The following HADH variants were observed in gnomAD, a reference collection of about 807,000 sequenced individuals.
The protein encoded by HADH is hydroxyacyl-CoA dehydrogenase.
A neutral mutation model predicts 32.2 loss-of-function variants in HADH; 24 were observed. The observed-to-expected ratio is 0.75, with a 90% CI of 0.54 to 1.05. The LOEUF (loss-of-function observed/expected upper bound fraction) is 1.05. Among genes scored for constraint, HADH ranks in the 50% least tolerant of loss-of-function variants. The pLI is 0.00. For missense variants in HADH, 350 were observed against 397.1 expected (o/e 0.88, Z 1.01); for synonymous variants, 139 against 152.5 (o/e 0.91, Z 0.65).
intron 1 of HADH, among the ~76,000 whole-genome samples, chr4:107,995,907 G>C (rs1734941104): frequency 6.6e-6 from 1 of 152,148 alleles, no homozygotes; most frequent in African/African-American, 2.4e-5. Context: ...TAGTCTACCT[G>C]CTGGTCGTCT....
At chr4:108,011,030 G>C (rs1735474301) in intron 2 of HADH, among the ~76,000 whole-genome samples, 1 of 151,964 alleles carries the variant, frequency 6.6e-6, no homozygotes, top group South Asian at 2.1e-4. Context: ...TGTAGTTTTA[G>C]TAGAGATGGG....
At chr4:108,018,688 T>A (rs1435607582) in intron 3 of HADH, among the ~76,000 whole-genome samples, 1 of 152,174 alleles carries the variant, frequency 6.6e-6, no homozygotes, top group Non-Finnish European at 1.5e-5. Context: ...GCCTGGTCAG[T>A]AAGGGATCCT....
chr4:108,021,786 CTGTTTGATT>C (rs1735894571), intron 4 of HADH, among the ~76,000 whole-genome samples: 1 of 152,126 alleles, frequency 6.6e-6, no homozygotes, highest in Admixed American at 6.5e-5. Context: ...CTCTGGGATT[CTGTTTGATT>C]TGTGGTACCC....
intron 7 of HADH, among the ~76,000 whole-genome samples, chr4:108,033,985 C>A (rs1292628277): frequency 1.3e-5 from 2 of 152,224 alleles, no homozygotes; most frequent in African/African-American, 4.8e-5. Context: ...TGAGAAGACA[C>A]TGGATAAGCA....
chr4:108,033,054 C>CA lies in HADH; in HGVS notation c.710-121dup, dbSNP rs1228802906. 27 of 768,214 alleles carry CA rather than the reference C, an allele frequency of 3.5e-5. No individual in the cohort carries two copies. The Admixed American group carries it at 4.8e-4, about 14-fold the overall frequency. 47.6% of individuals were successfully genotyped at this position (768,214 alleles called of 1,614,324 possible). ...AAATCTTACCCAAGCCAGAAAGTCTCAGTCTAGGCATTTTTTTTATTGTGC... is the reference window on the plus strand; with the variant it reads ...AAATCTTACCCAAGCCAGAAAGTCTCAAGTCTAGGCATTTTTTTTATTGTGC... On this transcript the variant is annotated intron_variant, in intron 6 of 7. Transcript: ENST00000309522.
chr4:108,001,559 G>A (rs1256568901), intron 1 of HADH, among the ~76,000 whole-genome samples: 1 of 152,258 alleles, frequency 6.6e-6, no homozygotes, highest in African/African-American at 2.4e-5. Context: ...ATAAGTTACA[G>A]TAGTCCCCCC....
At position 108,004,857 on chromosome 4, in the gene HADH, A is replaced by C; in HGVS notation, c.133-4902A>C. 2.6e-6 allele frequency: 4 copies of C among 1,535,926 alleles called. No individual in the cohort carries two copies. The South Asian group carries it at 3.6e-5, about 14-fold the overall frequency. On this transcript the variant is annotated intron_variant, in intron 1 of 7. Transcript: ENST00000309522. ...AGGAACATGACCCTGCGGAGATGTT[A>C]AGGGTTGGGAGAGCTGAGCTTGGAG...
chr4:108,014,697 C>T, intron 3 of HADH, 109 bp downstream of exon 3: 1 of 962,450 alleles, frequency 1.0e-6, no homozygotes, highest in Non-Finnish European at 1.6e-6. Flanking sequence ...CAGTTTTGTT[C>T]CATGCCTATA....
intron 1 of HADH, 146 bp from the exon 2 acceptor site, chr4:108,009,613 A>G: frequency 1.4e-6 from 1 of 712,480 alleles, no homozygotes; most frequent in Admixed American, 2.1e-5. Context: ...ATGTTGACTT[A>G]TCATATGTTC....
intron 1 of HADH, among the ~76,000 whole-genome samples, chr4:108,003,252 G>A (rs779290198): frequency 2.0e-5 from 3 of 152,132 alleles, no homozygotes; most frequent in Non-Finnish European, 4.4e-5. Flanking sequence ...AGACCTACTC[G>A]TTGTGTCTTG....
At chr4:108,016,681 A>G (rs181571282) in intron 3 of HADH, among the ~76,000 whole-genome samples, 4 of 152,348 alleles carry the variant, frequency 2.6e-5, no homozygotes, top group Admixed American at 2.6e-4. Flanking sequence ...GGATCACTGG[A>G]GAAAGTCAGG....
chr4:107,991,229 T>G (rs988385541), intron 1 of HADH, among the ~76,000 whole-genome samples: 3 of 152,214 alleles, frequency 2.0e-5, no homozygotes, highest in African/African-American at 4.8e-5. Context: ...GCTGATTATA[T>G]TCTTAGCATT....
At chr4:107,993,166 C>G (rs1043707335) in intron 1 of HADH, among the ~76,000 whole-genome samples, 2 of 152,156 alleles carry the variant, frequency 1.3e-5, no homozygotes, top group African/African-American at 4.8e-5. Context: ...GTTGTCCTGT[C>G]CTTTTGCCCT....
intron 4 of HADH, among the ~76,000 whole-genome samples, chr4:108,021,968 G>A (rs1220643052): frequency 2.0e-5 from 3 of 152,102 alleles, no homozygotes; most frequent in Admixed American, 1.3e-4. Flanking sequence ...TGTTTATATA[G>A]CACCTTTCAT....
chr4:107,996,408 G>T (rs1174268053), intron 1 of HADH, among the ~76,000 whole-genome samples: 2 of 152,158 alleles, frequency 1.3e-5, no homozygotes, highest in African/African-American at 4.8e-5. Context: ...GAATTTGTGG[G>T]AGGTGAGAAG....
chr4:108,022,924 A>G (rs902965638), intron 4 of HADH, among the ~76,000 whole-genome samples: 1 of 151,870 alleles, frequency 6.6e-6, no homozygotes, highest in Non-Finnish European at 1.5e-5. Flanking sequence ...AAACTGTCCT[A>G]TACACACACG....
chr4:108,018,828 C>G (rs1286172787), intron 3 of HADH, among the ~76,000 whole-genome samples: 1 of 152,096 alleles, frequency 6.6e-6, no homozygotes, highest in Non-Finnish European at 1.5e-5. Flanking sequence ...TCCTCTCATG[C>G]TTTTGGCACG....
Position 107,989,948 on chromosome 4 carries a change from A to T in HADH, c.16A>T (p.Arg6Trp). 6.2e-7 allele frequency: 1 copy of T among 1,612,914 alleles called. No homozygotes were observed. Among genetic ancestry groups the T allele is most frequent in the Non-Finnish European group, 8.5e-7 (1 of 1,179,640 alleles). MAFVTRQFMRSVSSSS... is the reference protein window; with the variant it reads MAFVTWQFMRSVSSSS... ...CTGCCACACCATGGCCTTCGTCACC[A>T]GGCAGTTCATGCGTTCCGTGTCCTC... is the stretch of plus-strand genomic sequence containing the variant. Residue 6 changes from arginine (R) to tryptophan (W), a missense_variant, in exon 1 of 8, where the codon AGG becomes TGG. Physicochemically the swap from Arg to Trp is moderately radical, Grantham distance 101. Coordinates refer to ENST00000309522, the MANE Select transcript of HADH (RefSeq NM_005327.7).
chr4:108,018,267 T>C (rs1735760563), intron 3 of HADH, among the ~76,000 whole-genome samples: 1 of 152,194 alleles, frequency 6.6e-6, no homozygotes, highest in Non-Finnish European at 1.5e-5. Context: ...GTGGTGCAGG[T>C]TGTGTGGTTG....
Sources: allele counts gnomAD v4.1 joint callset (sites outside exome capture counted in the v4.1 genomes callset), GRCh38; gene constraint gnomAD v4.1.1; transcripts MANE v1.5; gene names NCBI Gene and HGNC (gene_info 2026-07-23, HGNC 2026-07-21).